EPG5: variants seen among roughly 807,000 people sequenced by gnomAD.
EPG5 encodes ectopic P-granules 5 autophagy tethering factor.
Under a neutral mutation model 302.7 loss-of-function variants are expected in EPG5, and 159 were observed. The observed-to-expected ratio is 0.53, with a 90% CI of 0.46 to 0.60. EPG5 has a LOEUF of 0.60. Ranked by LOEUF, EPG5 falls within the 20% of genes least tolerant of loss-of-function variation. The pLI is 0.00. For missense variants in EPG5, 2,896 were observed against 3,092.4 expected (o/e 0.94, Z 1.51); for synonymous variants, 1,158 against 1,136.8 (o/e 1.02, Z -0.37).
chr18:45,913,992 C>A (rs574159810), intron 20 of EPG5, among the ~76,000 whole-genome samples, 164 bp from the exon 21 acceptor site: 6 of 152,232 alleles, frequency 3.9e-5, no homozygotes, highest in Non-Finnish European at 7.4e-5. Flanking sequence ...ATATCCTTGT[C>A]GCAGATATAA....
intron 27 of EPG5, among the ~76,000 whole-genome samples, chr18:45,890,833 G>A (rs1450639908): frequency 6.6e-6 from 1 of 152,222 alleles, no homozygotes; most frequent in Admixed American, 6.5e-5. Context: ...CAGAGATACA[G>A]GAAGGAGGAG....
At position 45,934,458 on chromosome 18, in the gene EPG5, T is replaced by C. The variant is rs1470411372; in HGVS notation, c.2257+351A>G. 2.6e-5 allele frequency among the ~76,000 whole-genome samples: 4 copies of C among 152,186 alleles called. No individual in the cohort carries two copies. The East Asian group carries it at 5.8e-4, about 22-fold the overall frequency. Reference sequence around the variant, plus strand: ...CAGCAATAAAAGAAAGATATTAAAATGGCTGGGCACAAAGCCTTAACAAAT... The same window carrying C: ...CAGCAATAAAAGAAAGATATTAAAACGGCTGGGCACAAAGCCTTAACAAAT... On this transcript the variant is annotated intron_variant, in intron 11 of 43. Transcript: ENST00000282041.
At chr18:45,859,999 C>T in intron 40 of EPG5, 105 bp downstream of exon 40, 1 of 1,412,990 alleles carries the variant, frequency 7.1e-7, no homozygotes. Context: ...ATTAGAATGG[C>T]AAATCCCTCA....
intron 39 of EPG5, among the ~76,000 whole-genome samples, chr18:45,861,562 C>A (rs1337814987): frequency 6.6e-6 from 1 of 152,224 alleles, no homozygotes; most frequent in Non-Finnish European, 1.5e-5. Flanking sequence ...CTGGTTCAAT[C>A]ATATCTGACC....
Position 45,866,793 on chromosome 18 carries a change from C to T in EPG5, c.6621+5G>A. The T allele has an allele frequency of 6.2e-7, 1 of 1,610,904 alleles. No individual in the cohort carries two copies. The highest frequency in any genetic ancestry group is 8.5e-7 in the Non-Finnish European group (1 of 1,177,038). The stretch of plus-strand genomic sequence containing the variant: ...CTCTGCCTTTTAAACTACCTCTCAA[C>T]TTACAAGATGCTTCTGGCTGTCAGT... On this transcript the variant is annotated splice_donor_5th_base_variant and intron_variant, in intron 38 of 43. Transcript: ENST00000282041.
At chr18:45,865,162 A>C (rs555257416) in intron 39 of EPG5, among the ~76,000 whole-genome samples, 1 of 152,278 alleles carries the variant, frequency 6.6e-6, no homozygotes, top group East Asian at 1.9e-4. Context: ...CTCCACTAAT[A>C]AATTTAATTT....
chr18:45,902,024 C>T (rs1026319879), intron 25 of EPG5, among the ~76,000 whole-genome samples: 2 of 152,158 alleles, frequency 1.3e-5, no homozygotes, highest in African/African-American at 4.8e-5. Flanking sequence ...CTACCCAATT[C>T]TTTTCAATAG....
intron 11 of EPG5, among the ~76,000 whole-genome samples, chr18:45,933,012 T>C (rs971097141): frequency 6.6e-6 from 1 of 152,130 alleles, no homozygotes; most frequent in Non-Finnish European, 1.5e-5. Context: ...TGAAGGGAGA[T>C]GACACTACAA....
At chr18:45,853,068 C>T (rs538906266) in intron 43 of EPG5, among the ~76,000 whole-genome samples, 7 of 152,216 alleles carry the variant, frequency 4.6e-5, no homozygotes, top group South Asian at 2.1e-4. Context: ...CGTTCTAGGG[C>T]GCAACCGGAA....
chr18:45,966,375 C>CAA (rs540209261), intron 1 of EPG5, among the ~76,000 whole-genome samples: 1,749 of 73,020 alleles, frequency 0.024, 54 homozygotes, highest in African/African-American at 0.077. Flanking sequence ...GACTCTGTCT[C>CAA]AAAAAAAAAA....
rs761594653 is a variant in EPG5, at chr18:45,952,609, T to C, written c.1043A>G (p.Tyr348Cys). Residue 348 changes from tyrosine (Y) to cysteine (C), a missense_variant, in exon 3 of 44, where the codon TAT (tyrosine) becomes TGT (cysteine). By Grantham distance (194) the Tyr-to-Cys change is radical. Coordinates refer to ENST00000282041, the MANE Select transcript of EPG5 (RefSeq NM_020964.3). ...CATTTCTACTCTTTGGTAGCGATGA[T>C]AGCTGAAAACTTTCACTTGATCTGC... ...ICADQVKVFS[Y>C]HRYQRVEMNE... The C allele has an allele frequency of 3.5e-5, 57 of 1,614,180 alleles. No homozygotes were observed. The highest frequency in any genetic ancestry group is 8.3e-5 in the Admixed American group (5 of 60,026).
At chr18:45,801,638 A>G in the EPG5 span, among the ~76,000 whole-genome samples, 1 of 152,016 alleles carries the variant, frequency 6.6e-6, no homozygotes, top group Non-Finnish European at 1.5e-5. Context: ...AGTTTTATTC[A>G]TTCCCCTCCC....
At chr18:45,817,243 C>T in the EPG5 span, among the ~76,000 whole-genome samples, 26 of 152,198 alleles carry the variant, frequency 1.7e-4, no homozygotes, top group Middle Eastern at 3.4e-3. Context: ...CCAAACACCA[C>T]CTGTTCCCCA....
chr18:45,940,125 A>C (rs1347134580), intron 9 of EPG5, among the ~76,000 whole-genome samples: 1 of 152,118 alleles, frequency 6.6e-6, no homozygotes, highest in Non-Finnish European at 1.5e-5. Flanking sequence ...ACATTTGATA[A>C]TGTCTGGAAA....
intron 1 of EPG5, among the ~76,000 whole-genome samples, chr18:45,960,964 T>C (rs1192770670): frequency 6.6e-6 from 1 of 152,150 alleles, no homozygotes; most frequent in African/African-American, 2.4e-5. Context: ...AAAATTAACA[T>C]ATGTAAAACC....
rs575963371 is a variant in EPG5, at chr18:45,942,117, C to T, written c.1943+1044G>A. ...GCACACACCAATAGTCCCAGCTATT[C>T]GGGAGGCTGAGGTGGGAGAATGGCT... On this transcript the variant is annotated intron_variant, in intron 9 of 43. Transcript: ENST00000282041. Among the ~76,000 whole-genome samples, 9 of 152,118 alleles carry T rather than the reference C, an allele frequency of 5.9e-5. No homozygotes were observed. In the South Asian group the frequency reaches 1.9e-3, roughly 32 times the overall value.
At chr18:45,916,311 G>C (rs1039759698) in intron 18 of EPG5, 105 bp from the exon 19 acceptor site, 1 of 1,513,002 alleles carries the variant, frequency 6.6e-7, no homozygotes. Flanking sequence ...CAAATCTATT[G>C]CCTTTCTTGG....
intron 27 of EPG5, among the ~76,000 whole-genome samples, chr18:45,895,347 G>A (rs1410377041): frequency 6.6e-6 from 1 of 152,164 alleles, no homozygotes; most frequent in Non-Finnish European, 1.5e-5. Flanking sequence ...GAGAATTCTG[G>A]ACTAGAGAAA....
the EPG5 span, chr18:45,840,331 C>T: frequency 7.0e-7 from 1 of 1,432,648 alleles, no homozygotes; most frequent in African/African-American, 1.4e-5. Context: ...GAATAAATGG[C>T]AAAGGGCTGG....
Sources: gnomAD v4.1 joint callset for allele counts (sites outside exome capture counted in the v4.1 genomes callset) on GRCh38, gnomAD v4.1.1 for gene constraint, MANE v1.5 for transcripts, NCBI Gene and HGNC (gene_info 2026-07-23, HGNC 2026-07-21) for gene names.